The following CLSTN2 variants were observed in gnomAD, a reference collection of about 807,000 sequenced individuals.
CLSTN2 encodes the protein calsyntenin-2.
CLSTN2 carries 48 observed loss-of-function variants against 101.2 expected under a neutral mutation model. The ratio of observed to expected loss-of-function variants is 0.47; its 90% CI spans 0.38 to 0.60. The LOEUF is 0.60. Among genes scored for constraint, CLSTN2 ranks in the 20% least tolerant of loss-of-function variants. The pLI is 0.00. For missense variants in CLSTN2, 1,160 were observed against 1,238.2 expected (o/e 0.94, Z 0.95); for synonymous variants, 481 against 463.6 (o/e 1.04, Z -0.48).
chr3:139,966,822 G>A (rs1023375495), intron 1 of CLSTN2, among the ~76,000 whole-genome samples: 1 of 152,152 alleles, frequency 6.6e-6, no homozygotes, highest in African/African-American at 2.4e-5. Context: ...GTCTGTTTGT[G>A]CGAAGTGGGC....
At chr3:140,411,413 G>A (rs778193450) in intron 4 of CLSTN2, among the ~76,000 whole-genome samples, 21 of 152,312 alleles carry the variant, frequency 1.4e-4, no homozygotes, top group Admixed American at 3.9e-4. Context: ...ACGCTAGAGC[G>A]TGTAAATATA....
At chr3:140,102,360 G>A (rs1351839957) in intron 1 of CLSTN2, among the ~76,000 whole-genome samples, 3 of 152,214 alleles carry the variant, frequency 2.0e-5, no homozygotes, top group African/African-American at 4.8e-5. Flanking sequence ...GGGGCAAGAA[G>A]CCTGTTGTGC....
chr3:140,250,769 T>C (rs1464563018), intron 2 of CLSTN2, among the ~76,000 whole-genome samples: 2 of 152,158 alleles, frequency 1.3e-5, no homozygotes, highest in African/African-American at 4.8e-5. Flanking sequence ...ATCACTTTTT[T>C]CCCCCAAACT....
intron 1 of CLSTN2, among the ~76,000 whole-genome samples, chr3:140,114,392 A>G (rs1179150665): frequency 2.0e-5 from 3 of 151,980 alleles, no homozygotes; most frequent in Non-Finnish European, 2.9e-5. Context: ...CATCACCCTT[A>G]TCACCTGGCA....
At chr3:140,526,640 C>CA (rs1334579041) in intron 8 of CLSTN2, among the ~76,000 whole-genome samples, 9 of 131,364 alleles carry the variant, frequency 6.9e-5, no homozygotes, top group South Asian at 4.6e-4. Flanking sequence ...ACAACAACAA[C>CA]AACAAAAAAA....
Position 140,206,093 on chromosome 3 carries a change from T to C in CLSTN2, c.232+30020T>C, listed in dbSNP as rs113608545. ...TTCACAAACTTCAGAACATTTGCTTTAATAAGTAACAAATTGCTGCCTGTA... is the reference window on the plus strand; with the variant it reads ...TTCACAAACTTCAGAACATTTGCTTCAATAAGTAACAAATTGCTGCCTGTA... On this transcript the variant is annotated intron_variant, in intron 2 of 16. Coordinates refer to ENST00000458420, the MANE Select transcript of CLSTN2 (RefSeq NM_022131.3). Among the ~76,000 whole-genome samples the C allele has an allele frequency of 5.5e-3, 831 of 152,324 alleles. 10 individuals carry two copies. The highest frequency in any genetic ancestry group is 0.019 in the African/African-American group (805 of 41,574).
intron 1 of CLSTN2, among the ~76,000 whole-genome samples, chr3:139,967,784 G>T (rs1419287541): frequency 2.6e-5 from 4 of 152,118 alleles, no homozygotes; most frequent in African/African-American, 9.7e-5. Context: ...ATACCAAATA[G>T]CTATTTAAAA....
chr3:139,967,083 A>C (rs1935613541), intron 1 of CLSTN2, among the ~76,000 whole-genome samples: 1 of 152,180 alleles, frequency 6.6e-6, no homozygotes, highest in African/African-American at 2.4e-5. Context: ...CATCCCTGCT[A>C]TAGGGCCTAG....
chr3:139,980,349 A>G (rs1295304652), intron 1 of CLSTN2, among the ~76,000 whole-genome samples: 1 of 152,040 alleles, frequency 6.6e-6, no homozygotes, highest in Non-Finnish European at 1.5e-5. Context: ...CCGTTCCCTG[A>G]TGGACTTTTA....
intron 1 of CLSTN2, among the ~76,000 whole-genome samples, chr3:140,138,494 G>A (rs2009648513): frequency 6.6e-6 from 1 of 152,234 alleles, no homozygotes; most frequent in Non-Finnish European, 1.5e-5. Context: ...AGGTAGCACA[G>A]TTGGCAAGGA....
intron 1 of CLSTN2, among the ~76,000 whole-genome samples, chr3:140,034,646 G>C (rs1452362378): frequency 1.3e-5 from 2 of 152,218 alleles, no homozygotes; most frequent in African/African-American, 4.8e-5. Context: ...TGGAATTCCA[G>C]CCTCCAAAGC....
chr3:140,309,471 CT>C (rs931544730), intron 2 of CLSTN2, among the ~76,000 whole-genome samples: 2 of 152,096 alleles, frequency 1.3e-5, no homozygotes, highest in African/African-American at 4.8e-5. Flanking sequence ...ACCCCAGAGG[CT>C]TCTGGGAGTG....
At chr3:140,405,315 C>T (rs376867118) in intron 4 of CLSTN2, among the ~76,000 whole-genome samples, 2 of 152,088 alleles carry the variant, frequency 1.3e-5, no homozygotes, top group African/African-American at 4.8e-5. Context: ...GCAACCTCCA[C>T]GTCCTGGGTT....
chr3:140,346,782 G>A (rs779130915), intron 2 of CLSTN2, among the ~76,000 whole-genome samples: 1 of 152,150 alleles, frequency 6.6e-6, no homozygotes, highest in Non-Finnish European at 1.5e-5. Context: ...CCTTGAAGGT[G>A]GTTGGGAGGA....
intron 5 of CLSTN2, among the ~76,000 whole-genome samples, chr3:140,441,730 G>A (rs2088768393): frequency 6.6e-6 from 1 of 152,186 alleles, no homozygotes; most frequent in Non-Finnish European, 1.5e-5. Flanking sequence ...GCGAATCTCA[G>A]AAGTCAGCTT....
At chr3:139,940,896 C>CAG (rs1935115051) in intron 1 of CLSTN2, among the ~76,000 whole-genome samples, 1 of 152,004 alleles carries the variant, frequency 6.6e-6, no homozygotes, top group Admixed American at 6.6e-5. Flanking sequence ...GTGCTAGTGC[C>CAG]AGAGGTGTGG....
At chr3:140,538,220 G>A (rs558288553) in intron 9 of CLSTN2, among the ~76,000 whole-genome samples, 2 of 113,498 alleles carry the variant, frequency 1.8e-5, no homozygotes, top group African/African-American at 1.1e-4. Flanking sequence ...CCAGTGTCAT[G>A]GGTTGTAACC....
intron 7 of CLSTN2, among the ~76,000 whole-genome samples, chr3:140,465,339 C>T (rs1190757676): frequency 2.0e-5 from 3 of 152,180 alleles, no homozygotes; most frequent in Admixed American, 6.5e-5. Flanking sequence ...AAACTTCCAG[C>T]GGGAAGGAAA....
intron 2 of CLSTN2, among the ~76,000 whole-genome samples, chr3:140,303,462 A>G (rs2087079634): frequency 6.6e-6 from 1 of 152,144 alleles, no homozygotes; most frequent in Non-Finnish European, 1.5e-5. Flanking sequence ...CTTCTCTCAC[A>G]GTTTTCTGCT....
Sources: gnomAD v4.1 joint callset for allele counts (sites outside exome capture counted in the v4.1 genomes callset) on GRCh38, gnomAD v4.1.1 for gene constraint, MANE v1.5 for transcripts, NCBI Gene and HGNC (gene_info 2026-07-23, HGNC 2026-07-21) for gene names.